Variants in FAS observed in about 807,000 individuals in gnomAD.
FAS encodes the protein Fas cell surface death receptor, also known as tumor necrosis factor receptor superfamily member 6.
FAS carries 5 observed loss-of-function variants against 33.2 expected under a neutral mutation model. That is an observed-to-expected ratio of 0.15 (90% CI 0.08 to 0.32). The LOEUF (loss-of-function observed/expected upper bound fraction) is 0.32. FAS is among the 10% of genes least tolerant of loss of function. The probability of loss-of-function intolerance (pLI) is 1.00; values close to 1 mark genes in which losing one functional copy is unlikely to be tolerated. For synonymous variants in FAS, 131 were observed against 130.7 expected (o/e 1.00, Z -0.01); for missense variants, 339 against 386.0 (o/e 0.88, Z 1.02).
At position 89,008,927 on chromosome 10, in the gene FAS, A is replaced by G. The variant is rs1442207718; in HGVS notation, c.373A>G (p.Thr125Ala). ...VEINCTRTQN[T>A]KCRCKPNFFC... ...AATAAACTGCACCCGGACCCAGAAT[A>G]CCAAGTGCAGATGTAAACCAAACTT... Residue 125 changes from threonine (T) to alanine (A), a missense_variant, in exon 4 of 9, where the codon ACC becomes GCC. Thr to Ala is a moderately conservative substitution (Grantham distance 58). Around this residue, in one of 3 missense-constraint regions of FAS, gnomAD observed 276 missense variants for 300.1 expected, o/e 0.92. Coordinates refer to ENST00000652046, the MANE Select transcript of FAS (RefSeq NM_000043.6). 6.2e-7 allele frequency: 1 copy of G among 1,613,952 alleles called. No individual in the cohort carries two copies.
chr10:89,005,535 A>T (rs1848179515), intron 2 of FAS, among the ~76,000 whole-genome samples: 1 of 152,174 alleles, frequency 6.6e-6, no homozygotes, highest in Non-Finnish European at 1.5e-5. Context: ...CACCTGTTAT[A>T]TATATGCTCA....
chr10:88,989,627 G>A, upstream of FAS: 1 of 526,400 alleles, frequency 1.9e-6, no homozygotes, highest in South Asian at 1.4e-5. Flanking sequence ...AAAGCCCTCA[G>A]GAGGGTAACC....
chr10:88,991,479 G>T lies in FAS; in HGVS notation c.30+573G>T, dbSNP rs149164248. On this transcript the variant is annotated intron_variant, in intron 1 of 8. Transcript: ENST00000652046. ...TCAGCACCGAAGCAGTGGTTAAGCC[G>T]GAGGGCTCGGAAGAACGGCACCTTT... 108 of 168,254 alleles carry T rather than the reference G, an allele frequency of 6.4e-4. 1 individual carries two copies. The highest frequency in any genetic ancestry group is 5.2e-4 in the Non-Finnish European group (40 of 77,348). The allele number at this position is 168,254 out of a possible 1,614,324, so 10.4% of individuals were successfully genotyped here.
At chr10:88,990,342 A>G (rs897604547), upstream of FAS, among the ~76,000 whole-genome samples, 2 of 152,150 alleles carry the variant, frequency 1.3e-5, no homozygotes, top group Non-Finnish European at 2.9e-5. The surrounding 1 kb of genome is among the most constrained non-coding windows in gnomAD (Gnocchi z 4.9). Flanking sequence ...TCTGAGCTCC[A>G]TTCTCCTTCA....
In FAS at chr10:89,007,844, G is replaced by A; in HGVS notation, c.334+7G>A. On this transcript the variant is annotated splice_region_variant and intron_variant, in intron 3 of 8. Coordinates refer to ENST00000652046, the MANE Select transcript of FAS (RefSeq NM_000043.6). Reference sequence around the variant, plus strand: ...TTGTGTGATGAAGGACATGGTAAGAGTCTTAAAATGCAATTGAAAGAGGCC... The same window carrying A: ...TTGTGTGATGAAGGACATGGTAAGAATCTTAAAATGCAATTGAAAGAGGCC... The A allele has an allele frequency of 6.2e-7, 1 of 1,613,758 alleles. No individual in the cohort carries two copies. Among genetic ancestry groups the A allele is most frequent in the Non-Finnish European group, 8.5e-7 (1 of 1,179,816 alleles).
intron 4 of FAS, 92 bp downstream of exon 4, chr10:89,009,089 T>C: frequency 3.3e-6 from 4 of 1,218,770 alleles, no homozygotes; most frequent in Non-Finnish European, 4.9e-6. Flanking sequence ...GAGTTAAGAA[T>C]TAGGGTTCTA....
chr10:88,996,724 A>G (rs1296156423), intron 1 of FAS, among the ~76,000 whole-genome samples: 4 of 152,232 alleles, frequency 2.6e-5, no homozygotes, highest in African/African-American at 9.6e-5. Flanking sequence ...ACATAATTCA[A>G]GACATCATGT....
upstream of FAS, among the ~76,000 whole-genome samples, chr10:88,988,333 A>G (rs775793298): frequency 3.9e-5 from 6 of 152,182 alleles, no homozygotes; most frequent in Non-Finnish European, 7.4e-5. Context: ...AATTTAGTAA[A>G]AACAATTTGG....
At chr10:88,971,988 A>T (rs1846458150) in intron 1 of FAS, among the ~76,000 whole-genome samples, 1 of 151,560 alleles carries the variant, frequency 6.6e-6, no homozygotes. Flanking sequence ...AGCTCACTGC[A>T]ACTTCTGCCT....
At chr10:89,004,538 C>T (rs1848116727) in intron 2 of FAS, among the ~76,000 whole-genome samples, 2 of 143,750 alleles carry the variant, frequency 1.4e-5, no homozygotes, top group Admixed American at 1.4e-4. Flanking sequence ...ACTGTTTATA[C>T]TTGCTAAGAT....
upstream of FAS, among the ~76,000 whole-genome samples, chr10:88,984,792 C>T (rs1228633995): frequency 6.6e-6 from 1 of 152,184 alleles, no homozygotes; most frequent in Non-Finnish European, 1.5e-5. Context: ...GAGACATCTT[C>T]TCACCTTCAG....
intron 1 of FAS, among the ~76,000 whole-genome samples, chr10:89,001,203 C>T (rs1266150990): frequency 1.3e-5 from 2 of 151,626 alleles, no homozygotes; most frequent in African/African-American, 4.8e-5. Context: ...CTGACTGTTC[C>T]AGGCATCTGT....
Position 89,014,539 on chromosome 10 carries a change from T to C in FAS, c.*89T>C. On this transcript the variant is annotated 3_prime_UTR_variant, in exon 9 of 9. Transcript: ENST00000652046. ...CTGGCTGTAAATACTGCTTGGTTTT[T>C]TACTGGGTACATTTTATCATTTATT... 1 of 1,210,930 alleles carries C rather than the reference T, an allele frequency of 8.3e-7. No homozygotes were observed. The highest frequency in any genetic ancestry group is 1.2e-6 in the Non-Finnish European group (1 of 845,538). 75.0% of individuals were successfully genotyped at this position (1,210,930 alleles called of 1,614,324 possible).
At chr10:88,996,379 A>T (rs548091917) in intron 1 of FAS, among the ~76,000 whole-genome samples, 1 of 152,132 alleles carries the variant, frequency 6.6e-6, no homozygotes, top group Non-Finnish European at 1.5e-5. Context: ...TTATATGTGG[A>T]ATCTAAAAGT....
At chr10:88,965,661 AT>A (rs59680045) in intron 1 of FAS, among the ~76,000 whole-genome samples, 54,664 of 151,526 alleles carry the variant, frequency 0.36, 10,351 homozygotes, top group African/African-American at 0.4. Flanking sequence ...TCAAGCCATT[AT>A]AATGCAAAGC....
At chr10:88,991,964 G>C (rs1343453024) in intron 1 of FAS, among the ~76,000 whole-genome samples, 2 of 152,192 alleles carry the variant, frequency 1.3e-5, no homozygotes, top group Non-Finnish European at 2.9e-5. Flanking sequence ...AGCGAGAGAA[G>C]TGTTTACAAA....
intron 2 of FAS, 148 bp downstream of exon 2, chr10:89,003,342 C>A: frequency 1.1e-6 from 1 of 893,858 alleles, no homozygotes; most frequent in Non-Finnish European, 1.7e-6. Context: ...AATTATTTTC[C>A]AAAGATGAGT....
chr10:88,994,053 G>A (rs1847432388), intron 1 of FAS, among the ~76,000 whole-genome samples: 1 of 152,198 alleles, frequency 6.6e-6, no homozygotes, highest in African/African-American at 2.4e-5. Flanking sequence ...ACCCTTAGCA[G>A]CAAATTAGAG....
At chr10:88,975,627 T>A (rs1169215435) in intron 2 of FAS, among the ~76,000 whole-genome samples, 1 of 151,960 alleles carries the variant, frequency 6.6e-6, no homozygotes, top group Non-Finnish European at 1.5e-5. Flanking sequence ...GGATCGTAAG[T>A]TCCATGAGAG....
Sources: allele counts gnomAD v4.1 joint callset (sites outside exome capture counted in the v4.1 genomes callset), GRCh38; gene constraint gnomAD v4.1.1; regional missense constraint gnomAD v4.1.1; non-coding constraint Gnocchi (gnomAD v3.1); transcripts MANE v1.5; gene names NCBI Gene and HGNC (gene_info 2026-07-23, HGNC 2026-07-21).